JMJD1C: variants seen among roughly 807,000 people sequenced by gnomAD.
JMJD1C encodes jumonji domain-containing protein 1C.
In JMJD1C, 31 loss-of-function variants were observed where a neutral mutation model predicts 245.3. The ratio of observed to expected loss-of-function variants is 0.13; its 90% CI spans 0.09 to 0.17. The LOEUF (loss-of-function observed/expected upper bound fraction) is 0.17. JMJD1C is among the 10% of genes least tolerant of loss of function. The pLI is 1.00. For missense variants in JMJD1C, 2,691 were observed against 3,000.2 expected, an observed-to-expected ratio of 0.90 and a Z score of 2.41; for synonymous variants, 1,057 against 1,017.4, an observed-to-expected ratio of 1.04 and a Z score of -0.74.
At chr10:63,185,509 G>A (rs2132913210) in intron 20 of JMJD1C, 54 bp downstream of exon 20, 3 of 960,394 alleles carry the variant, frequency 3.1e-6, no homozygotes, top group Admixed American at 1.8e-5. Flanking sequence ...TATCTCTGGG[G>A]ACAGTCTTAG....
chr10:63,495,367 G>A (rs1954324155), intron 1 of JMJD1C, among the ~76,000 whole-genome samples: 1 of 150,120 alleles, frequency 6.7e-6, no homozygotes, highest in African/African-American at 2.5e-5. Flanking sequence ...GGAGACTAAC[G>A]AACTGAAATA....
intron 1 of JMJD1C, among the ~76,000 whole-genome samples, chr10:63,508,278 G>C (rs180743170): frequency 1.3e-5 from 2 of 152,028 alleles, no homozygotes; most frequent in Non-Finnish European, 2.9e-5. Context: ...CTTTGCCAAC[G>C]ATCATTTGAC....
intron 2 of JMJD1C, among the ~76,000 whole-genome samples, chr10:63,369,375 C>G (rs916936429): frequency 6.6e-6 from 1 of 151,826 alleles, no homozygotes; most frequent in African/African-American, 2.4e-5. Flanking sequence ...CTCCTAACCT[C>G]AAGTGATACC....
intron 2 of JMJD1C, among the ~76,000 whole-genome samples, chr10:63,335,048 A>AAAAAC (rs1255231713): frequency 7.1e-6 from 1 of 140,724 alleles, no homozygotes; most frequent in African/African-American, 2.6e-5. Context: ...AAAAAAAAAT[A>AAAAAC]TTGTTCCTAA....
At chr10:63,171,796 T>C (rs1265440721) in intron 24 of JMJD1C, among the ~76,000 whole-genome samples, 3 of 152,138 alleles carry the variant, frequency 2.0e-5, no homozygotes, top group Non-Finnish European at 4.4e-5. Context: ...ATTTAGAGTC[T>C]GATTATTCTG....
chr10:63,254,251 G>C (rs1853530020), intron 3 of JMJD1C, among the ~76,000 whole-genome samples: 1 of 151,846 alleles, frequency 6.6e-6, no homozygotes, highest in Non-Finnish European at 1.5e-5. Flanking sequence ...AAAAAAAAGA[G>C]ACTAGAAAAC....
intron 3 of JMJD1C, among the ~76,000 whole-genome samples, chr10:63,264,231 TC>T (rs1855242494): frequency 6.6e-6 from 1 of 151,826 alleles, no homozygotes; most frequent in Non-Finnish European, 1.5e-5. Flanking sequence ...TAAAAAAATT[TC>T]CCCTTTAAAA....
At chr10:63,192,859 C>T in intron 16 of JMJD1C, 79 bp downstream of exon 16, 2 of 1,088,970 alleles carry the variant, frequency 1.8e-6, no homozygotes, top group Non-Finnish European at 2.8e-6. Context: ...ATTAACAGTA[C>T]TTTATTGTAC....
At position 63,301,895 on chromosome 10, in the gene JMJD1C, T is replaced by C. The variant is rs75015206; in HGVS notation, c.334-37131A>G. On this transcript the variant is annotated intron_variant, in intron 2 of 25. Coordinates refer to ENST00000399262, the MANE Select transcript of JMJD1C (RefSeq NM_032776.3). ...AAAGAATTCTGTTCTGTCCTACACT[T>C]TAAAAAAACTTACTATGACGTGGAA... The C allele has an allele frequency of 7.0e-3, 2,033 of 290,214 alleles. 46 individuals are homozygous for C. Among genetic ancestry groups the C allele is most frequent in the African/African-American group, 0.044 (1,921 of 44,104 alleles). 18.0% of individuals were successfully genotyped at this position (290,214 alleles called of 1,614,324 possible).
intron 2 of JMJD1C, among the ~76,000 whole-genome samples, chr10:63,379,554 C>T (rs1240180528): frequency 6.6e-6 from 1 of 152,136 alleles, no homozygotes; most frequent in African/African-American, 2.4e-5. Context: ...AATAATTACA[C>T]ATTAAACATC....
intron 3 of JMJD1C, among the ~76,000 whole-genome samples, chr10:63,224,972 G>C (rs1382354483): frequency 6.6e-6 from 1 of 151,896 alleles, no homozygotes; most frequent in Non-Finnish European, 1.5e-5. Flanking sequence ...TGAGGCAGGA[G>C]AATCGCTTGA....
At position 63,464,923 on chromosome 10, in the gene JMJD1C, G is replaced by C. The variant is rs572279500; in HGVS notation, c.168+572C>G. Among the ~76,000 whole-genome samples the C allele has an allele frequency of 7.9e-5, 12 of 152,284 alleles. No homozygotes were observed. The South Asian group carries it at 2.5e-3, about 32-fold the overall frequency. On this transcript the variant is annotated intron_variant, in intron 1 of 25. Coordinates refer to ENST00000399262, the MANE Select transcript of JMJD1C (RefSeq NM_032776.3). Reference sequence around the variant, plus strand: ...TAGAAAGCCAAGCATCTATTAAGGAGAGGATGAATCCGGGCACAGCCACCA... The same window carrying C: ...TAGAAAGCCAAGCATCTATTAAGGACAGGATGAATCCGGGCACAGCCACCA...
intron 3 of JMJD1C, among the ~76,000 whole-genome samples, chr10:63,231,322 G>A (rs902063433): frequency 2.6e-5 from 4 of 152,174 alleles, no homozygotes; most frequent in Non-Finnish European, 4.4e-5. Context: ...ATTAAGCCCA[G>A]CTTTTTACAA....
At chr10:63,424,513 T>C (rs1950321357) in intron 1 of JMJD1C, among the ~76,000 whole-genome samples, 1 of 145,566 alleles carries the variant, frequency 6.9e-6, no homozygotes, top group Admixed American at 6.9e-5. Flanking sequence ...TTTTTTTTTT[T>C]TTTTTCTTTT....
rs201410399 is a variant in JMJD1C, at chr10:63,361,742, A to G, written c.333+18576T>C. Among the ~76,000 whole-genome samples the G allele has an allele frequency of 9.4e-4, 138 of 146,612 alleles. 2 individuals carry two copies. The highest frequency in any genetic ancestry group is 4.2e-3 in the East Asian group (18 of 4,330). On this transcript the variant is annotated intron_variant, in intron 2 of 25. Coordinates refer to ENST00000399262, the MANE Select transcript of JMJD1C (RefSeq NM_032776.3). Reference sequence around the variant, plus strand: ...ACTAAAAAAAAAAAAAAAAAAAAAAAAAAAAGAAAAAGAATATCCTACTCC... The same window carrying G: ...ACTAAAAAAAAAAAAAAAAAAAAAAGAAAAAGAAAAAGAATATCCTACTCC...
At chr10:63,236,923 G>A (rs1850794523) in intron 3 of JMJD1C, among the ~76,000 whole-genome samples, 1 of 152,026 alleles carries the variant, frequency 6.6e-6, no homozygotes, top group Non-Finnish European at 1.5e-5. Flanking sequence ...AGACCAGCCT[G>A]GGAAACAGAG....
At chr10:63,293,907 T>G (rs760203139) in intron 2 of JMJD1C, among the ~76,000 whole-genome samples, 3 of 152,076 alleles carry the variant, frequency 2.0e-5, no homozygotes, top group African/African-American at 2.4e-5. Flanking sequence ...GCTCTAAGTA[T>G]TATCTATATG....
chr10:63,279,031 C>T (rs1157335561), intron 2 of JMJD1C, among the ~76,000 whole-genome samples: 1 of 152,092 alleles, frequency 6.6e-6, no homozygotes, highest in East Asian at 1.9e-4. Flanking sequence ...AGCTGGATCA[C>T]CTGAGGTCAA....
Position 63,234,079 on chromosome 10 carries a change from T to C in JMJD1C, c.448-14096A>G, listed in dbSNP as rs143631397. Among the ~76,000 whole-genome samples, 570 of 152,254 alleles carry C rather than the reference T, an allele frequency of 3.7e-3. 1 individual carries two copies. The highest frequency in any genetic ancestry group is 7.6e-3 in the Admixed American group (116 of 15,296). On this transcript the variant is annotated intron_variant, in intron 3 of 25. Transcript: ENST00000399262. ...AAACCTAGCTAATTTAGAAATTTTGTTGGTAATGATAACAGAGTAAAATGA... is the reference window on the plus strand; with the variant it reads ...AAACCTAGCTAATTTAGAAATTTTGCTGGTAATGATAACAGAGTAAAATGA...
Sources: gnomAD v4.1 joint callset for allele counts (sites outside exome capture counted in the v4.1 genomes callset) on GRCh38, gnomAD v4.1.1 for gene constraint, MANE v1.5 for transcripts, NCBI Gene and HGNC (gene_info 2026-07-23, HGNC 2026-07-21) for gene names.